Variants in UNC79 observed in about 807,000 individuals in gnomAD.
UNC79 encodes the protein unc-79 subunit of NALCN channel complex, also known as protein unc-79 homolog.
Under a neutral mutation model 283.1 loss-of-function variants are expected in UNC79, and 37 were observed. The ratio of observed to expected loss-of-function variants is 0.13; its 90% CI spans 0.10 to 0.17. The LOEUF (loss-of-function observed/expected upper bound fraction) is 0.17, where lower values mean the gene tolerates loss of function less well. UNC79 is among the 10% of genes least tolerant of loss of function. The pLI, the probability that UNC79 is intolerant of heterozygous loss-of-function variation, is 1.00. For missense variants in UNC79, 2,272 were observed against 3,211.1 expected (o/e 0.71, Z 7.07); for synonymous variants, 1,107 against 1,200.2 (o/e 0.92, Z 1.61).
intron 18 of UNC79, 28 bp from the exon 19 acceptor site, chr14:93,580,121 C>A: frequency 1.3e-6 from 2 of 1,550,738 alleles, no homozygotes; most frequent in East Asian, 2.3e-5. Flanking sequence ...TGTGTGTGTG[C>A]GTGTGTCCTT....
chr14:93,687,200 T>C (rs952668212), intron 43 of UNC79, among the ~76,000 whole-genome samples: 4 of 152,378 alleles, frequency 2.6e-5, no homozygotes, highest in African/African-American at 9.6e-5. Flanking sequence ...TAGCACATTA[T>C]GCAAACATAC....
intron 24 of UNC79, among the ~76,000 whole-genome samples, chr14:93,598,392 G>A (rs960315247): frequency 6.6e-6 from 1 of 151,826 alleles, no homozygotes; most frequent in Non-Finnish European, 1.5e-5. Flanking sequence ...GTGTGTGTGT[G>A]TGTGTGTGTG....
intron 47 of UNC79, among the ~76,000 whole-genome samples, chr14:93,700,126 C>T (rs1457598597): frequency 1.4e-5 from 2 of 141,364 alleles, no homozygotes; most frequent in Non-Finnish European, 3.1e-5. Context: ...TGTCTTTTTG[C>T]TTATATTGTT....
At chr14:93,706,748 C>G in exon 49 of UNC79, 6 of 1,614,250 alleles carry the variant, frequency 3.7e-6, no homozygotes, top group Non-Finnish European at 5.1e-6. Context: ...CTATTCAGAA[C>G]CACGTGAACC....
chr14:93,392,702 C>T (rs537950260), intron 1 of UNC79, among the ~76,000 whole-genome samples: 61 of 152,276 alleles, frequency 4.0e-4, no homozygotes, highest in Admixed American at 6.5e-4. Context: ...TAATCGGCAT[C>T]TTCTCTGACA....
chr14:93,459,215 C>A (rs1474436041), intron 1 of UNC79, among the ~76,000 whole-genome samples: 3 of 152,228 alleles, frequency 2.0e-5, no homozygotes, highest in Non-Finnish European at 4.4e-5. Context: ...TGGTCTCAAA[C>A]TCCTGACCTT....
At chr14:93,577,719 A>G (rs773265782) in intron 17 of UNC79, 123 bp from the exon 18 acceptor site, 1 of 924,348 alleles carries the variant, frequency 1.1e-6, no homozygotes, top group Non-Finnish European at 1.7e-6. Context: ...TACTAATGCC[A>G]TTGGTTAAGG....
At chr14:93,515,264 A>ATGTGTGTGTGTG (rs3060596) in intron 7 of UNC79, among the ~76,000 whole-genome samples, 21 of 149,768 alleles carry the variant, frequency 1.4e-4, no homozygotes, top group African/African-American at 4.7e-4. Context: ...CCATATGTAT[A>ATGTGTGTGTGTG]TGTGTGTGTG....
At chr14:93,538,121 G>T (rs2061173920) in exon 12 of UNC79, 3 of 1,613,978 alleles carry the variant, frequency 1.9e-6, no homozygotes, top group Non-Finnish European at 1.7e-6. Flanking sequence ...AGTGGGGGCC[G>T]CTGCGGAGAC....
At chr14:93,384,848 T>G (rs751950596) in intron 1 of UNC79, among the ~76,000 whole-genome samples, 6 of 152,332 alleles carry the variant, frequency 3.9e-5, no homozygotes, top group Non-Finnish European at 5.9e-5. Context: ...TATTTTGATT[T>G]GATTTTTGTG....
intron 7 of UNC79, among the ~76,000 whole-genome samples, chr14:93,516,439 GAT>G (rs576438178): frequency 3.1e-5 from 3 of 95,576 alleles, no homozygotes; most frequent in Non-Finnish European, 4.3e-5. Context: ...AATCTGCTTG[GAT>G]ATTTTTTTTG....
intron 7 of UNC79, among the ~76,000 whole-genome samples, chr14:93,501,642 C>T (rs569370441): frequency 1.2e-4 from 18 of 151,522 alleles, no homozygotes; most frequent in Admixed American, 8.5e-4. Context: ...GAGCTGAGAT[C>T]GCACCACTGC....
chr14:93,492,446 T>G (rs1384908556), intron 5 of UNC79, among the ~76,000 whole-genome samples: 3 of 152,184 alleles, frequency 2.0e-5, no homozygotes. Context: ...CTCTGCCTCC[T>G]GGGTTCAAGC....
At chr14:93,498,154 C>A (rs2059107133) in intron 7 of UNC79, among the ~76,000 whole-genome samples, 1 of 147,338 alleles carries the variant, frequency 6.8e-6, no homozygotes, top group South Asian at 2.2e-4. Context: ...TGTAATCCAG[C>A]TACTCAGGAG....
chr14:93,702,260 A>G (rs1201589344), intron 47 of UNC79, among the ~76,000 whole-genome samples: 1 of 151,946 alleles, frequency 6.6e-6, no homozygotes, highest in Non-Finnish European at 1.5e-5. Context: ...CCGTTTTGTT[A>G]TGAGGGTTGG....
At chr14:93,490,003 C>T (rs2058646320) in intron 5 of UNC79, among the ~76,000 whole-genome samples, 1 of 152,204 alleles carries the variant, frequency 6.6e-6, no homozygotes, top group African/African-American at 2.4e-5. Context: ...GCATGCTGCT[C>T]TGCCCAAAGG....
At chr14:93,564,042 C>T (rs1030145952) in intron 14 of UNC79, among the ~76,000 whole-genome samples, 1 of 152,144 alleles carries the variant, frequency 6.6e-6, no homozygotes, top group African/African-American at 2.4e-5. Context: ...CAGCCTAAAA[C>T]AGTAAGGTCA....
rs35267402 is a variant in UNC79, at chr14:93,386,927, C to CTTTTTTTTTTTT, written c.-351+53425_-351+53436dup. Among the ~76,000 whole-genome samples the CTTTTTTTTTTTT allele has an allele frequency of 2.6e-4, 7 of 27,192 alleles. 2 individuals are homozygous for CTTTTTTTTTTTT. Among genetic ancestry groups the CTTTTTTTTTTTT allele is most frequent in the Non-Finnish European group, 3.7e-4 (6 of 16,382 alleles). 17.8% of individuals were successfully genotyped at this position (27,192 alleles called of 152,430 possible). On this transcript the variant is annotated intron_variant, in intron 1 of 49. Transcript: ENST00000256339. ...TTCATTTCAATTTCATGTATTTCTG[C>CTTTTTTTTTTTT]TTTTTTTTTTTTTTTTTTTTTTTTT...
chr14:93,584,209 A>G (rs764189274), intron 20 of UNC79, among the ~76,000 whole-genome samples: 31 of 152,342 alleles, frequency 2.0e-4, no homozygotes, highest in African/African-American at 6.7e-4. Context: ...GATGAGGAAA[A>G]TAAATCCCAG....
Sources: allele counts gnomAD v4.1 joint callset (sites outside exome capture counted in the v4.1 genomes callset), GRCh38; gene constraint gnomAD v4.1.1; transcripts MANE v1.5; gene names NCBI Gene and HGNC (gene_info 2026-07-23, HGNC 2026-07-21).